Variants in ADGRL2 observed in about 807,000 individuals in gnomAD.
The protein encoded by ADGRL2 is adhesion G protein-coupled receptor L2.
ADGRL2 carries 44 observed loss-of-function variants against 157.4 expected under a neutral mutation model. That is an observed-to-expected ratio of 0.28 (90% CI 0.22 to 0.36). ADGRL2 has a LOEUF of 0.36. Among genes scored for constraint, ADGRL2 ranks in the 10% least tolerant of loss-of-function variants. The pLI, the probability that ADGRL2 is intolerant of heterozygous loss-of-function variation, is 1.00. For synonymous variants in ADGRL2, 585 were observed against 624.7 expected, an observed-to-expected ratio of 0.94 and a Z score of 0.95; for missense variants, 1,510 against 1,768.9, an observed-to-expected ratio of 0.85 and a Z score of 2.63.
intron 1 of ADGRL2, among the ~76,000 whole-genome samples, chr1:81,398,965 T>A (rs1012568894): frequency 3.3e-5 from 5 of 152,184 alleles, no homozygotes; most frequent in Non-Finnish European, 5.9e-5. Context: ...GTTTTCACAC[T>A]ACTATCAGGA....
intron 3 of ADGRL2, among the ~76,000 whole-genome samples, chr1:81,608,243 G>A (rs1406763362): frequency 5.3e-5 from 8 of 152,118 alleles, no homozygotes; most frequent in Admixed American, 5.2e-4. Flanking sequence ...TGAAGGGTGG[G>A]TCAGAGGGTA....
At chr1:81,897,464 T>C (rs2094412473) in intron 2 of ADGRL2, among the ~76,000 whole-genome samples, 1 of 152,186 alleles carries the variant, frequency 6.6e-6, no homozygotes, top group African/African-American at 2.4e-5. Context: ...AACTGAAATA[T>C]GTTTTCATGG....
At chr1:81,579,465 C>T (rs1161833485) in intron 2 of ADGRL2, 1 of 151,900 alleles carries the variant, frequency 6.6e-6, no homozygotes, top group Non-Finnish European at 1.5e-5. Flanking sequence ...ACTCCATGCC[C>T]AATAATAATG....
In ADGRL2 at chr1:81,943,732, A is replaced by T. The variant is rs1286183979; in HGVS notation, c.1173A>T (p.Arg391=). ...TGTGGAACAATAACTTCATTTTACG[A>T]TATTCTCTGGAGTTTGGTCCACCTG... ...LYVWNNNFIL[R]YSLEFGPPDP... is the part of the protein sequence containing the mutation. Residue 391 remains arginine (R), a synonymous_variant, in exon 6 of 24, where the codon CGA becomes CGT. Transcript: ENST00000686636. This position sits in a 1 kb window ranked among gnomAD's most constrained non-coding sequence, Gnocchi z 5.6. 56 of 1,613,304 alleles carry T rather than the reference A, an allele frequency of 3.5e-5. No homozygotes were observed. The highest frequency in any genetic ancestry group is 1.2e-4 in the Admixed American group (7 of 59,928).
At position 81,788,865 on chromosome 1, in the gene ADGRL2, G is replaced by A. The variant is rs543382698; in HGVS notation, c.-101+27013G>A. ...CGAGTAGCTGGGATTACAGGCATGT[G>A]CCACCAAGCCCAGCTAATTTTCTTG... On this transcript the variant is annotated intron_variant, in intron 2 of 20. Transcript: ENST00000359929. 5.9e-5 allele frequency among the ~76,000 whole-genome samples: 9 copies of A among 152,204 alleles called. No individual in the cohort carries two copies. The East Asian group carries it at 1.7e-3, about 30-fold the overall frequency.
intron 2 of ADGRL2, chr1:81,514,101 G>T (rs150752750): frequency 3.8e-5 from 4 of 105,558 alleles, no homozygotes; most frequent in African/African-American, 1.9e-4. Flanking sequence ...AAGCAGAAAG[G>T]TCCTTTGGGG....
At chr1:81,891,780 CT>C (rs2094272364) in intron 2 of ADGRL2, among the ~76,000 whole-genome samples, 1 of 151,858 alleles carries the variant, frequency 6.6e-6, no homozygotes, top group African/African-American at 2.4e-5. Flanking sequence ...ATTTATCTGT[CT>C]TTTGGTGGTT....
At chr1:81,660,558 T>A (rs2082629439) in intron 3 of ADGRL2, among the ~76,000 whole-genome samples, 1 of 152,176 alleles carries the variant, frequency 6.6e-6, no homozygotes, top group Non-Finnish European at 1.5e-5. Context: ...GTTCTCCCTG[T>A]GACACAGTAG....
At position 81,325,738 on chromosome 1, in the gene ADGRL2, G is replaced by A. The variant is rs551948209; in HGVS notation, c.-302+19229G>A. Among the ~76,000 whole-genome samples, 13 of 152,208 alleles carry A rather than the reference G, an allele frequency of 8.5e-5. No homozygotes were observed. In the South Asian group the frequency reaches 2.5e-3, roughly 29 times the overall value. On this transcript the variant is annotated intron_variant, in intron 1 of 24. Transcript: ENST00000370721. ...ATGTTGTGCTTAAACTTAGCTTCAA[G>A]CATCCCTCTCAACCCAGCACTCCCA...
intron 19 of ADGRL2, among the ~76,000 whole-genome samples, chr1:81,982,442 A>T (rs1027048870): frequency 6.6e-6 from 1 of 151,952 alleles, no homozygotes; most frequent in African/African-American, 2.4e-5. Context: ...TTAGTACCTT[A>T]CATCTTACTT....
chr1:81,802,023 G>T (rs1050147149), intron 1 of ADGRL2, among the ~76,000 whole-genome samples: 1 of 151,058 alleles, frequency 6.6e-6, no homozygotes, highest in African/African-American at 2.4e-5. Context: ...GGAGGCGGCG[G>T]CGGCCGAGCA....
chr1:81,574,221 T>A (rs1278392761), intron 2 of ADGRL2, among the ~76,000 whole-genome samples: 1 of 64,874 alleles, frequency 1.5e-5, no homozygotes, highest in African/African-American at 6.2e-5. Context: ...TAGAAGTGGG[T>A]GGTGGGGGAG....
intron 22 of ADGRL2, chr1:81,987,408 A>T (rs754218184): frequency 2.1e-6 from 2 of 968,950 alleles, no homozygotes; most frequent in East Asian, 4.8e-5. Flanking sequence ...TGCTTCTGGA[A>T]TGAATTAGCT....
chr1:81,635,821 G>T (rs10493697), intron 3 of ADGRL2, among the ~76,000 whole-genome samples: 43,831 of 152,066 alleles, frequency 0.29, 6,406 homozygotes, highest in East Asian at 0.32. Flanking sequence ...CATCATTAAA[G>T]AGCTCCCTGT....
intron 22 of ADGRL2, chr1:81,987,361 T>C (rs1663470367): frequency 7.2e-7 from 1 of 1,384,918 alleles, no homozygotes; most frequent in Admixed American, 1.7e-5. Context: ...CTATATAATA[T>C]ACTGTTCAGT....
intron 3 of ADGRL2, among the ~76,000 whole-genome samples, chr1:81,658,377 G>A (rs537624190): frequency 2.0e-5 from 3 of 152,280 alleles, no homozygotes; most frequent in Admixed American, 6.5e-5. Context: ...TTACAGGTGT[G>A]AGCCACTGCA....
intron 2 of ADGRL2, among the ~76,000 whole-genome samples, chr1:81,572,293 A>G (rs2080711081): frequency 6.6e-6 from 1 of 152,236 alleles, no homozygotes; most frequent in Admixed American, 6.5e-5. Context: ...ACCTCTTATT[A>G]TATCTACTAC....
rs567284740 is a variant in ADGRL2, at chr1:81,897,289, C to CT, written c.74-9717dup. 4.5e-4 allele frequency among the ~76,000 whole-genome samples: 65 copies of CT among 145,604 alleles called. No homozygotes were observed. The South Asian group carries it at 5.4e-3, about 12-fold the overall frequency. On this transcript the variant is annotated intron_variant, in intron 2 of 23. Coordinates refer to ENST00000686636, the MANE Select transcript of ADGRL2 (RefSeq NM_001366006.2). ...ATATTGAAGCTCAGTGTGAAAGTCA[C>CT]TTTTTTTTTTTAAGTAAATCGGAAT...
At chr1:81,729,690 T>C (rs1233271274) in intron 1 of ADGRL2, among the ~76,000 whole-genome samples, 1 of 152,238 alleles carries the variant, frequency 6.6e-6, no homozygotes, top group Non-Finnish European at 1.5e-5. Flanking sequence ...ATTTAACTGA[T>C]TTCTGACAGT....
Sources: allele counts gnomAD v4.1 joint callset (sites outside exome capture counted in the v4.1 genomes callset), GRCh38; gene constraint gnomAD v4.1.1; non-coding constraint Gnocchi (gnomAD v3.1); transcripts MANE v1.5; gene names NCBI Gene and HGNC (gene_info 2026-07-23, HGNC 2026-07-21).